The following CD247 variants were observed in gnomAD, a reference collection of about 807,000 sequenced individuals.
The protein encoded by CD247 is T-cell surface glycoprotein CD3 zeta chain.
Under a neutral mutation model 30.0 loss-of-function variants are expected in CD247, and 13 were observed. The ratio of observed to expected loss-of-function variants is 0.43; its 90% CI spans 0.28 to 0.69. The LOEUF (loss-of-function observed/expected upper bound fraction) is 0.69, where lower values mean the gene tolerates loss of function less well. Among genes scored for constraint, CD247 ranks in the 30% least tolerant of loss-of-function variants. The pLI is 0.16. For synonymous variants in CD247, 72 were observed against 80.0 expected (o/e 0.90, Z 0.53); for missense variants, 193 against 212.6 (o/e 0.91, Z 0.57).
chr1:167,457,795 A>G (rs916128242), intron 1 of CD247: 1 of 152,184 alleles, frequency 6.6e-6, no homozygotes, highest in African/African-American at 2.4e-5. Context: ...TTCCTATGCA[A>G]CTAGATTGTA....
chr1:167,470,848 A>G lies in CD247; in HGVS notation c.59-30081T>C, dbSNP rs1653485177. Among the ~76,000 whole-genome samples the G allele has an allele frequency of 1.4e-5, 2 of 147,538 alleles. 1 individual carries two copies. Among genetic ancestry groups the G allele is most frequent in the South Asian group, 4.4e-4 (2 of 4,584 alleles). ...CAACATCCTTGAACACAAATATTTT[A>G]TTCCACTGATTATTTCTTTCTTTCT... is the stretch of plus-strand genomic sequence containing the variant. On this transcript the variant is annotated intron_variant, in intron 1 of 7. Coordinates refer to ENST00000362089, the MANE Select transcript of CD247 (RefSeq NM_198053.3).
At chr1:167,451,371 C>T (rs552775383) in intron 1 of CD247, among the ~76,000 whole-genome samples, 1 of 152,172 alleles carries the variant, frequency 6.6e-6, no homozygotes, top group East Asian at 1.9e-4. Flanking sequence ...TTGCCTTGGG[C>T]CCCTGGGCTA....
intron 6 of CD247, among the ~76,000 whole-genome samples, chr1:167,433,329 C>A (rs1420982438): frequency 2.0e-5 from 3 of 152,198 alleles, no homozygotes; most frequent in Admixed American, 2.0e-4. Context: ...GTCTAGGGCC[C>A]GCAGGACCTA....
intron 4 of CD247, 108 bp downstream of exon 4, chr1:167,438,462 G>A (rs1312738423): frequency 1.1e-6 from 1 of 876,660 alleles, no homozygotes. Context: ...GCCCACACAT[G>A]TGAGGGTCGA....
chr1:167,477,142 G>A (rs1469855905), intron 1 of CD247, among the ~76,000 whole-genome samples: 1 of 152,206 alleles, frequency 6.6e-6, no homozygotes, highest in Admixed American at 6.5e-5. Flanking sequence ...ATTACTCTGA[G>A]AGGGGTGACA....
At chr1:167,506,270 TC>T (rs1394220424) in intron 1 of CD247, among the ~76,000 whole-genome samples, 415 of 12,070 alleles carry the variant, frequency 0.034, 6 homozygotes, top group African/African-American at 0.16. Flanking sequence ...TCTTTTCTTT[TC>T]CTTTTCTTTT....
chr1:167,476,697 G>A (rs1449675804), intron 1 of CD247, among the ~76,000 whole-genome samples: 1 of 152,158 alleles, frequency 6.6e-6, no homozygotes, highest in African/African-American at 2.4e-5. Flanking sequence ...GGTGGCACAT[G>A]CCTGTAGTCC....
chr1:167,465,624 C>T (rs1653213408), intron 1 of CD247, among the ~76,000 whole-genome samples: 1 of 152,328 alleles, frequency 6.6e-6, no homozygotes, highest in East Asian at 1.9e-4. Context: ...AGCCACCGCA[C>T]CCAGCCCCTT....
At chr1:167,473,771 C>T (rs1455035563) in intron 1 of CD247, among the ~76,000 whole-genome samples, 2 of 152,238 alleles carry the variant, frequency 1.3e-5, no homozygotes, top group African/African-American at 4.8e-5. Context: ...GGAGCTCTCA[C>T]TGTGAAGGGG....
chr1:167,516,805 C>T (rs1655623719), intron 1 of CD247, among the ~76,000 whole-genome samples: 1 of 152,164 alleles, frequency 6.6e-6, no homozygotes, highest in Admixed American at 6.5e-5. Context: ...GGCACGGCCC[C>T]CATCTTGTCT....
At chr1:167,507,942 G>T (rs1225336219) in intron 1 of CD247, among the ~76,000 whole-genome samples, 1 of 152,174 alleles carries the variant, frequency 6.6e-6, no homozygotes, top group African/African-American at 2.4e-5. Context: ...GGAAGCTATG[G>T]TCTGAAACCA....
rs537334140 is a variant in CD247, at chr1:167,511,361, G to A, written c.58+7047C>T. On this transcript the variant is annotated intron_variant, in intron 1 of 7. Transcript: ENST00000362089. ...ACTTATAACCTCTGCATACAGTGGG[G>A]TGGTGAGCGGTGTGCATACCTGCAC... Among the ~76,000 whole-genome samples, 169 of 152,292 alleles carry A rather than the reference G, an allele frequency of 1.1e-3. 1 individual carries two copies. Among genetic ancestry groups the A allele is most frequent in the African/African-American group, 3.8e-3 (159 of 41,568 alleles).
intron 1 of CD247, among the ~76,000 whole-genome samples, chr1:167,509,431 G>C (rs1655291774): frequency 1.3e-5 from 2 of 151,862 alleles, no homozygotes; most frequent in Admixed American, 1.3e-4. Flanking sequence ...TATCTTGATG[G>C]GCAAAGTAGG....
At chr1:167,466,432 G>T (rs1296920814) in intron 1 of CD247, among the ~76,000 whole-genome samples, 1 of 151,296 alleles carries the variant, frequency 6.6e-6, no homozygotes, top group East Asian at 1.9e-4. Context: ...TTAAATATTA[G>T]AATTTAGAAC....
At chr1:167,490,630 G>GA (rs11385046) in intron 1 of CD247, among the ~76,000 whole-genome samples, 44,485 of 150,508 alleles carry the variant, frequency 0.3, 6,719 homozygotes, top group African/African-American at 0.38. Context: ...TCTCAAAAAA[G>GA]AAAAAAAAAT....
intron 1 of CD247, among the ~76,000 whole-genome samples, chr1:167,454,327 T>G (rs1181816489): frequency 2.0e-5 from 3 of 152,236 alleles, no homozygotes; most frequent in Non-Finnish European, 4.4e-5. Context: ...ATTTTCCACC[T>G]TACACCTTTT....
intron 1 of CD247, among the ~76,000 whole-genome samples, chr1:167,485,649 G>T (rs573474644): frequency 6.6e-6 from 1 of 152,076 alleles, no homozygotes; most frequent in African/African-American, 2.4e-5. Context: ...CGTGGGGAGG[G>T]TATCCCGGCA....
chr1:167,452,329 C>T (rs775182673), intron 1 of CD247, among the ~76,000 whole-genome samples: 8 of 150,178 alleles, frequency 5.3e-5, no homozygotes, highest in Admixed American at 3.3e-4. Context: ...CAGGAGAATC[C>T]CTTGAACCCG....
At chr1:167,495,369 T>C (rs1654644572) in intron 1 of CD247, among the ~76,000 whole-genome samples, 1 of 152,142 alleles carries the variant, frequency 6.6e-6, no homozygotes, top group Admixed American at 6.5e-5. Flanking sequence ...TACTCATAAA[T>C]GACAGAGGTG....
Sources: allele counts gnomAD v4.1 joint callset (sites outside exome capture counted in the v4.1 genomes callset), GRCh38; gene constraint gnomAD v4.1.1; transcripts MANE v1.5; gene names NCBI Gene and HGNC (gene_info 2026-07-23, HGNC 2026-07-21).